Variants in ABCB5 observed in about 807,000 individuals in gnomAD.
ABCB5 encodes ATP binding cassette subfamily B member 5.
A neutral mutation model predicts 144.2 loss-of-function variants in ABCB5; 155 were observed. The ratio of observed to expected loss-of-function variants is 1.08; its 90% CI spans 0.94 to 1.23. The LOEUF is 1.23. Ranked by LOEUF, ABCB5 falls within the 50% of genes most tolerant of loss-of-function variation. The probability of loss-of-function intolerance (pLI) is 0.00; values close to 1 mark genes in which losing one functional copy is unlikely to be tolerated. For missense variants in ABCB5, 1,830 were observed against 1,520.8 expected (o/e 1.20, Z -3.38); for synonymous variants, 610 against 528.6 (o/e 1.15, Z -2.11).
intron 13 of ABCB5, among the ~76,000 whole-genome samples, chr7:20,657,448 A>G (rs926651078): frequency 2.0e-5 from 3 of 152,262 alleles, no homozygotes; most frequent in Non-Finnish European, 4.4e-5. Context: ...AGCAATAAAT[A>G]GGAGTGAACA....
intron 21 of ABCB5, among the ~76,000 whole-genome samples, chr7:20,726,018 C>T (rs1212115428): frequency 2.0e-5 from 3 of 152,168 alleles, no homozygotes; most frequent in African/African-American, 7.2e-5. Context: ...TTCTGCCAAT[C>T]TGGAAACAGA....
At chr7:20,753,701 G>A (rs1317162750) in intron 27 of ABCB5, among the ~76,000 whole-genome samples, 195 bp downstream of exon 27, 1 of 152,188 alleles carries the variant, frequency 6.6e-6, no homozygotes, top group East Asian at 1.9e-4. Context: ...AGTTGAGACA[G>A]AGGGAATCTC....
At chr7:20,742,054 G>A (rs986336505) in intron 24 of ABCB5, among the ~76,000 whole-genome samples, 1 of 152,162 alleles carries the variant, frequency 6.6e-6, no homozygotes, top group Non-Finnish European at 1.5e-5. Flanking sequence ...TTAGGCAACT[G>A]TCACTGCCAA....
intron 1 of ABCB5, among the ~76,000 whole-genome samples, chr7:20,622,559 G>A (rs1047119571): frequency 1.4e-4 from 22 of 151,890 alleles, no homozygotes; most frequent in Admixed American, 1.3e-4. Flanking sequence ...CTTTATAATT[G>A]TCTTTATATA....
chr7:20,706,085 A>G (rs1786812666), intron 20 of ABCB5, among the ~76,000 whole-genome samples: 1 of 152,214 alleles, frequency 6.6e-6, no homozygotes, highest in Admixed American at 6.5e-5. Context: ...GTTCAATTTT[A>G]TTGGCATACA....
At chr7:20,715,166 T>A (rs939913993) in intron 20 of ABCB5, among the ~76,000 whole-genome samples, 5 of 152,158 alleles carry the variant, frequency 3.3e-5, no homozygotes, top group African/African-American at 1.2e-4. Flanking sequence ...TGCCTCAGCC[T>A]CTTAAGTTGC....
chr7:20,697,816 T>A (rs2128042855), intron 16 of ABCB5, among the ~76,000 whole-genome samples: 1 of 152,358 alleles, frequency 6.6e-6, no homozygotes, highest in Non-Finnish European at 1.5e-5. Flanking sequence ...AGATAGGAAC[T>A]GATACCACTC....
chr7:20,712,989 A>G (rs1444045187), intron 20 of ABCB5, among the ~76,000 whole-genome samples: 1 of 149,550 alleles, frequency 6.7e-6, no homozygotes, highest in African/African-American at 2.5e-5. Flanking sequence ...TATACAACAG[A>G]TCTCTTAAAC....
intron 16 of ABCB5, among the ~76,000 whole-genome samples, chr7:20,693,783 T>A (rs764720760): frequency 6.6e-6 from 1 of 151,500 alleles, no homozygotes; most frequent in South Asian, 2.1e-4. Flanking sequence ...AAAAAGAAGA[T>A]ACAAACTGCC....
chr7:20,682,024 G>A (rs529187279), intron 15 of ABCB5, among the ~76,000 whole-genome samples: 8 of 152,236 alleles, frequency 5.3e-5, no homozygotes, highest in African/African-American at 1.9e-4. Flanking sequence ...GGCCAACATG[G>A]TGAAACCTTG....
In ABCB5 at chr7:20,647,648, G is replaced by C; in HGVS notation, c.1095G>C (p.Lys365Asn). Residue 365 changes from lysine to asparagine, a missense_variant and splice_region_variant, in exon 10 of 28, where the codon AAG (lysine) becomes AAC (asparagine). By Grantham distance (94) the Lys-to-Asn change is moderately conservative (BLOSUM62 0). Transcript: ENST00000404938. ...TTCATATTTTCCAGGTTATTGATAA[G>C]GTAAGACCTCTTATTGCTTTGAAGA... ...AAFHIFQVID[K>N]KPSIDNFSTA... 1 of 1,560,776 alleles carries C rather than the reference G, an allele frequency of 6.4e-7. No homozygotes were observed. The highest frequency in any genetic ancestry group is 8.7e-7 in the Non-Finnish European group (1 of 1,151,920).
intron 21 of ABCB5, among the ~76,000 whole-genome samples, chr7:20,726,073 A>C (rs1014940672): frequency 6.6e-5 from 10 of 152,190 alleles, no homozygotes; most frequent in Non-Finnish European, 1.3e-4. Context: ...ACATGTTCTC[A>C]TGTCCGAAAA....
In ABCB5 at chr7:20,659,973, C is replaced by T. The variant is rs141841589; in HGVS notation, c.1707+1297C>T. The T allele has an allele frequency of 2.5e-3, 2,437 of 985,436 alleles. 3 individuals are homozygous for T. Among genetic ancestry groups the T allele is most frequent in the South Asian group, 4.4e-3 (93 of 21,282 alleles). The allele number at this position is 985,436 out of a possible 1,614,324, so 61.0% of individuals were successfully genotyped here. ...TGCTGGGATTACAGGTGTGCGTCTC[C>T]GCGCCCGGCCAGTTACATAAGATTT... On this transcript the variant is annotated intron_variant, in intron 14 of 27. Transcript: ENST00000404938.
At chr7:20,621,314 T>C (rs1267653597) in intron 1 of ABCB5, among the ~76,000 whole-genome samples, 2 of 152,156 alleles carry the variant, frequency 1.3e-5, no homozygotes, top group East Asian at 1.9e-4. Context: ...GATATGGTGA[T>C]GGTTATACAA....
intron 16 of ABCB5, among the ~76,000 whole-genome samples, chr7:20,695,468 A>C (rs1786379279): frequency 6.6e-6 from 1 of 152,010 alleles, no homozygotes; most frequent in South Asian, 2.1e-4. Context: ...AACTTCTATA[A>C]GAAAATGCAA....
At chr7:20,682,488 G>T (rs115296031) in intron 15 of ABCB5, among the ~76,000 whole-genome samples, 2,147 of 152,214 alleles carry the variant, frequency 0.014, 46 homozygotes, top group African/African-American at 0.049. Flanking sequence ...AATTCAGGTA[G>T]GCAGAACAAC....
intron 23 of ABCB5, among the ~76,000 whole-genome samples, chr7:20,733,182 CATTATTATT>C (rs374670890): frequency 6.6e-6 from 1 of 151,010 alleles, no homozygotes; most frequent in African/African-American, 2.4e-5. Flanking sequence ...ACTCAACGTA[CATTATTATT>C]ATTATTATTA....
intron 1 of ABCB5, among the ~76,000 whole-genome samples, chr7:20,621,041 G>A (rs1783795783): frequency 6.6e-6 from 1 of 152,048 alleles, no homozygotes; most frequent in African/African-American, 2.4e-5. Flanking sequence ...TACTATATAT[G>A]TGCACCAGAA....
intron 26 of ABCB5, among the ~76,000 whole-genome samples, chr7:20,746,361 G>T (rs1782722591): frequency 6.6e-6 from 1 of 152,122 alleles, no homozygotes; most frequent in African/African-American, 2.4e-5. Flanking sequence ...GCCTCCCAAA[G>T]TGCTGGGATT....
Sources: gnomAD v4.1 joint callset for allele counts (sites outside exome capture counted in the v4.1 genomes callset) on GRCh38, gnomAD v4.1.1 for gene constraint, MANE v1.5 for transcripts, NCBI Gene and HGNC (gene_info 2026-07-23, HGNC 2026-07-21) for gene names.